The following BCKDHB variants were observed in gnomAD, a reference collection of about 807,000 sequenced individuals.
BCKDHB encodes branched chain keto acid dehydrogenase E1 subunit beta.
In BCKDHB, 41 loss-of-function variants were observed where a neutral mutation model predicts 48.5. The observed-to-expected ratio is 0.85, with a 90% CI of 0.66 to 1.10. The LOEUF (loss-of-function observed/expected upper bound fraction) is 1.10, where lower values mean the gene tolerates loss of function less well. Ranked by LOEUF, BCKDHB falls within the 50% of genes least tolerant of loss-of-function variation. The pLI is 0.00. For missense variants in BCKDHB, 496 were observed against 494.2 expected (o/e 1.00, Z -0.03); for synonymous variants, 201 against 174.8 (o/e 1.15, Z -1.18).
In BCKDHB at chr6:80,158,902, A is replaced by C. The variant is rs114100636; in HGVS notation, c.344-8776A>C. 3.1e-3 allele frequency among the ~76,000 whole-genome samples: 473 copies of C among 152,292 alleles called. 5 individuals are homozygous for C. The highest frequency in any genetic ancestry group is 0.011 in the African/African-American group (449 of 41,566). On this transcript the variant is annotated intron_variant, in intron 3 of 9. Coordinates refer to ENST00000320393, the MANE Select transcript of BCKDHB (RefSeq NM_183050.4). Reference sequence around the variant, plus strand: ...ATCATAGTGTTCACCCTAGGCAGTAAACTGTGACGATTACCTTGATGACAG... The same window carrying C: ...ATCATAGTGTTCACCCTAGGCAGTACACTGTGACGATTACCTTGATGACAG...
intron 9 of BCKDHB, among the ~76,000 whole-genome samples, chr6:80,309,036 G>T (rs1429913483): frequency 1.3e-5 from 2 of 151,222 alleles, no homozygotes; most frequent in African/African-American, 2.4e-5. Flanking sequence ...TTTTGGGGTG[G>T]TCTACTATTA....
the BCKDHB span, among the ~76,000 whole-genome samples, chr6:80,457,193 C>G: frequency 6.6e-6 from 1 of 152,164 alleles, no homozygotes; most frequent in African/African-American, 2.4e-5. Flanking sequence ...ATGTGACTTG[C>G]AACTAGAACT....
the BCKDHB span, among the ~76,000 whole-genome samples, chr6:80,366,622 T>C: frequency 0.28 from 43,138 of 152,188 alleles, 7,561 homozygotes; most frequent in East Asian, 0.54. Flanking sequence ...CATTTTCTCA[T>C]TTCATAGTGT....
intron 9 of BCKDHB, among the ~76,000 whole-genome samples, chr6:80,321,742 A>G (rs891527473): frequency 3.3e-5 from 5 of 152,214 alleles, no homozygotes; most frequent in Non-Finnish European, 5.9e-5. Flanking sequence ...AATGTCTAAT[A>G]TCCTTGGGAA....
chr6:80,210,988 T>G (rs954864807), intron 8 of BCKDHB, among the ~76,000 whole-genome samples: 10 of 152,108 alleles, frequency 6.6e-5, no homozygotes, highest in African/African-American at 2.4e-4. Context: ...AAAGGAAGAT[T>G]TTTCTTAAAT....
At chr6:80,376,909 AT>A in the BCKDHB span, among the ~76,000 whole-genome samples, 1 of 152,124 alleles carries the variant, frequency 6.6e-6, no homozygotes, top group Non-Finnish European at 1.5e-5. Flanking sequence ...TCTTTTCAAT[AT>A]TGAGTTGTAG....
At chr6:80,264,207 C>T (rs73748765) in intron 8 of BCKDHB, among the ~76,000 whole-genome samples, 2,707 of 152,246 alleles carry the variant, frequency 0.018, 72 homozygotes, top group African/African-American at 0.062. Context: ...ATATATAGTA[C>T]AACCCTTTAG....
chr6:80,348,215 TA>T (rs67854118), downstream of BCKDHB, among the ~76,000 whole-genome samples: 3,892 of 151,524 alleles, frequency 0.026, 159 homozygotes, highest in African/African-American at 0.089. Flanking sequence ...TGTGTATATT[TA>T]AAAAAAAATG....
the BCKDHB span, among the ~76,000 whole-genome samples, chr6:80,403,558 G>C: frequency 9.2e-5 from 14 of 151,812 alleles, no homozygotes; most frequent in East Asian, 1.4e-3. Context: ...TTCTAATGTT[G>C]GCGGCTTTTG....
the BCKDHB span, among the ~76,000 whole-genome samples, chr6:80,361,329 C>A: frequency 1.3e-5 from 2 of 152,178 alleles, no homozygotes; most frequent in Non-Finnish European, 2.9e-5. Context: ...GGTGTCTACT[C>A]CTGCTCTTCC....
At chr6:80,241,872 C>G (rs898153953) in intron 8 of BCKDHB, among the ~76,000 whole-genome samples, 1 of 152,146 alleles carries the variant, frequency 6.6e-6, no homozygotes, top group Non-Finnish European at 1.5e-5. Context: ...AACATCTTGT[C>G]TGTAAATTTG....
chr6:80,239,488 G>A (rs1776288716), intron 8 of BCKDHB, among the ~76,000 whole-genome samples: 1 of 152,088 alleles, frequency 6.6e-6, no homozygotes, highest in South Asian at 2.1e-4. Flanking sequence ...GTTCTTTGTA[G>A]ATTCTGGATA....
chr6:80,232,256 G>A (rs1414139911), intron 8 of BCKDHB, among the ~76,000 whole-genome samples: 1 of 151,410 alleles, frequency 6.6e-6, no homozygotes, highest in Non-Finnish European at 1.5e-5. Context: ...TTAGTCTAAT[G>A]CACTATAGCA....
At chr6:80,229,511 G>A (rs688867) in intron 8 of BCKDHB, among the ~76,000 whole-genome samples, 47,508 of 152,018 alleles carry the variant, frequency 0.31, 7,934 homozygotes, top group Non-Finnish European at 0.39. Flanking sequence ...TGAAGTCATG[G>A]AAGTAACCAG....
intron 8 of BCKDHB, among the ~76,000 whole-genome samples, chr6:80,269,196 A>G (rs1276822295): frequency 1.3e-5 from 2 of 152,084 alleles, no homozygotes; most frequent in Non-Finnish European, 2.9e-5. Context: ...GGGAAAAGTC[A>G]TAGAGTGGCC....
At chr6:80,354,648 T>C in the BCKDHB span, among the ~76,000 whole-genome samples, 1 of 152,224 alleles carries the variant, frequency 6.6e-6, no homozygotes, top group Non-Finnish European at 1.5e-5. Context: ...GTTTCAGGTT[T>C]TACTATTACG....
the BCKDHB span, among the ~76,000 whole-genome samples, chr6:80,445,551 T>C: frequency 5.3e-5 from 8 of 152,296 alleles, no homozygotes; most frequent in South Asian, 1.7e-3. Flanking sequence ...AATATATCTG[T>C]ATCTATTATT....
At chr6:80,454,538 A>G in the BCKDHB span, among the ~76,000 whole-genome samples, 1 of 152,184 alleles carries the variant, frequency 6.6e-6, no homozygotes, top group Non-Finnish European at 1.5e-5. Context: ...GGCATGAAAT[A>G]TTGTGGAGGT....
chr6:80,202,842 A>C (rs894120221), intron 7 of BCKDHB, among the ~76,000 whole-genome samples: 1 of 151,340 alleles, frequency 6.6e-6, no homozygotes, highest in Non-Finnish European at 1.5e-5. Flanking sequence ...TTTACCTTCT[A>C]CATGCCATCT....
Sources: gnomAD v4.1 joint callset for allele counts (sites outside exome capture counted in the v4.1 genomes callset) on GRCh38, gnomAD v4.1.1 for gene constraint, MANE v1.5 for transcripts, NCBI Gene and HGNC (gene_info 2026-07-23, HGNC 2026-07-21) for gene names.